The following KNDC1 variants were observed in gnomAD, a reference collection of about 807,000 sequenced individuals.
The protein encoded by KNDC1 is kinase non-catalytic C-lobe domain-containing protein 1.
In KNDC1, 106 loss-of-function variants were observed where a neutral mutation model predicts 172.8. The ratio of observed to expected loss-of-function variants is 0.61; its 90% CI spans 0.52 to 0.72. The LOEUF is 0.72. Among genes scored for constraint, KNDC1 ranks in the 30% least tolerant of loss-of-function variants. The pLI is 0.00. For missense variants in KNDC1, 2,325 were observed against 2,394.5 expected, an observed-to-expected ratio of 0.97 and a Z score of 0.61; for synonymous variants, 1,083 against 1,062.2, an observed-to-expected ratio of 1.02 and a Z score of -0.38.
At chr10:133,170,338 G>A (rs1037813953) in intron 3 of KNDC1, among the ~76,000 whole-genome samples, 2 of 152,182 alleles carry the variant, frequency 1.3e-5, no homozygotes, top group African/African-American at 4.8e-5. Context: ...GCAGGACGTG[G>A]ACGTGGCAGG....
chr10:133,177,686 ATG>A (rs1021002082), intron 3 of KNDC1, among the ~76,000 whole-genome samples: 1 of 151,936 alleles, frequency 6.6e-6, no homozygotes, highest in Non-Finnish European at 1.5e-5. Context: ...TCATGGGCAC[ATG>A]TGTGTAATGT....
intron 1 of KNDC1, among the ~76,000 whole-genome samples, chr10:133,164,729 TGACTACAGGACGCCCACAGCTCAG>T (rs550030818): frequency 0.019 from 2,856 of 152,138 alleles, 40 homozygotes; most frequent in South Asian, 0.035. Context: ...CTTCTGGAGG[TGACTACAGGACGCCCACAGCTCAG>T]GACTACAGGA....
intron 3 of KNDC1, among the ~76,000 whole-genome samples, chr10:133,173,245 C>A (rs998282897): frequency 3.3e-5 from 5 of 152,214 alleles, no homozygotes; most frequent in African/African-American, 1.2e-4. Flanking sequence ...CCCGTCTGCT[C>A]TCCTGGCCTG....
Position 133,203,588 on chromosome 10 carries a change from C to T in KNDC1, c.3387+1690C>T, listed in dbSNP as rs531453483. Among the ~76,000 whole-genome samples, 6 of 152,358 alleles carry T rather than the reference C, an allele frequency of 3.9e-5. No homozygotes were observed. In the East Asian group the frequency reaches 7.7e-4, roughly 20 times the overall value. ...CTGACCCCCACCTACTGGTGCCGGC[C>T]GTGTGTGCTGGGCTCAGCACTGCGG... On this transcript the variant is annotated intron_variant, in intron 17 of 29. Coordinates refer to ENST00000304613, the MANE Select transcript of KNDC1 (RefSeq NM_152643.8).
chr10:133,224,221 T>C lies in KNDC1; in HGVS notation c.5019-438T>C, dbSNP rs554981481. Among the ~76,000 whole-genome samples the C allele has an allele frequency of 6.6e-6, 1 of 152,338 alleles. No homozygotes were observed. The highest frequency in any genetic ancestry group is 2.1e-4 in the South Asian group (1 of 4,828). ...GGCCAGCTTTCTCCATTATATTCTA[T>C]GGTGTGCTGGTCACTGTCAACCAGC... On this transcript the variant is annotated intron_variant, in intron 29 of 29. Transcript: ENST00000304613. This position sits in a 1 kb window ranked among gnomAD's most constrained non-coding sequence, Gnocchi z 5.4.
At position 133,224,597 on chromosome 10, in the gene KNDC1, TC is replaced by T; in HGVS notation, c.5019-58del. On this transcript the variant is annotated intron_variant, in intron 29 of 29. Coordinates refer to ENST00000304613, the MANE Select transcript of KNDC1 (RefSeq NM_152643.8). The surrounding 1 kb of genome is among the most constrained non-coding windows in gnomAD (Gnocchi z 5.4). ...TTCCTAAGAACGCGGGGGGACTCCC[TC>T]CCCACGGAAGCCGCGCCCCTGCCCT... 8.1e-7 allele frequency: 1 copy of T among 1,232,032 alleles called. No homozygotes were observed. The allele number at this position is 1,232,032 out of a possible 1,614,324, so 76.3% of individuals were successfully genotyped here. A position where few individuals can be genotyped will look rare whatever the true frequency, so the allele number is the denominator to read the frequency against.
chr10:133,186,249 C>A lies in KNDC1; in HGVS notation c.901C>A (p.Arg301Ser). Residue 301 changes from arginine (R) to serine (S), a missense_variant, in exon 6 of 30, where the codon CGC becomes AGC. Arg to Ser is a moderately radical substitution (Grantham distance 110, BLOSUM62 -1). Transcript: ENST00000304613. ...GGACAGAGACGCCCTCAGGAGAAGC[C>A]GCCTGCGGAAGGTGCAGACGTTCCC... ...ELDRDALRRS[R>S]LRKVQTFPRL... is the part of the protein sequence containing the mutation. 1 of 1,597,998 alleles carries A rather than the reference C, an allele frequency of 6.3e-7. No individual in the cohort carries two copies. Among genetic ancestry groups the A allele is most frequent in the Admixed American group, 1.7e-5 (1 of 57,842 alleles).
In KNDC1 at chr10:133,213,996, G is replaced by T. The variant is rs148073631; in HGVS notation, c.4551G>T (p.Ser1517=). The change falls in exon 26 of 30, where the codon TCG becomes TCT. Residue 1517 remains serine (S), a synonymous_variant. Transcript: ENST00000304613. The part of the protein sequence containing the change: ...IPKASSSESL[S]AKTCSLFLPN... ...GAGCCAGCTCTTCTGAGTCTCTTTC[G>T]GCCAAAACCTGCAGCTTATTTCTGC... The T allele has an allele frequency of 1.2e-6, 2 of 1,614,140 alleles. No individual in the cohort carries two copies. Among genetic ancestry groups the T allele is most frequent in the South Asian group, 1.1e-5 (1 of 91,078 alleles).
intron 9 of KNDC1, among the ~76,000 whole-genome samples, chr10:133,192,531 G>A (rs77986192): frequency 0.059 from 8,924 of 152,204 alleles, 305 homozygotes; most frequent in Middle Eastern, 0.15. Flanking sequence ...ATAAAAATGC[G>A]TCATTGGGCA....
At chr10:133,212,397 C>T (rs1009507457) in intron 23 of KNDC1, among the ~76,000 whole-genome samples, 1 of 152,256 alleles carries the variant, frequency 6.6e-6, no homozygotes, top group African/African-American at 2.4e-5. Flanking sequence ...CCCGGGTGCT[C>T]AGGGGAGGAG....
At chr10:133,214,271 C>A in intron 26 of KNDC1, 149 bp downstream of exon 26, 1 of 844,140 alleles carries the variant, frequency 1.2e-6, no homozygotes, top group South Asian at 1.7e-5. Context: ...CGACCCAAGG[C>A]TGAGGGGAGC....
At chr10:133,168,128 C>T (rs1025011478) in intron 2 of KNDC1, 126 bp from the exon 3 acceptor site, 1 of 810,204 alleles carries the variant, frequency 1.2e-6, no homozygotes, top group African/African-American at 1.7e-5. Context: ...CTAAAATGGT[C>T]TGGGGACACC....
At chr10:133,205,757 C>G (rs541046631) in intron 17 of KNDC1, among the ~76,000 whole-genome samples, 2 of 152,218 alleles carry the variant, frequency 1.3e-5, no homozygotes, top group South Asian at 4.1e-4. Context: ...ATGCTTGAAC[C>G]CAGGGAGTTG....
intron 1 of KNDC1, among the ~76,000 whole-genome samples, chr10:133,166,452 GGTGTGCAT>G (rs753022693): frequency 8.9e-6 from 1 of 112,506 alleles, no homozygotes; most frequent in South Asian, 2.7e-4. Flanking sequence ...GGTGTGTGCG[GGTGTGCAT>G]GTCTGTGCGT....
intron 29 of KNDC1, among the ~76,000 whole-genome samples, chr10:133,222,143 C>T (rs1478569171): frequency 1.3e-5 from 2 of 150,298 alleles, no homozygotes; most frequent in African/African-American, 2.4e-5. Context: ...ATTAGCCGGG[C>T]GCGGTGGCGG....
intron 26 of KNDC1, among the ~76,000 whole-genome samples, chr10:133,218,616 T>C (rs1433691016): frequency 4.6e-5 from 7 of 152,278 alleles, no homozygotes; most frequent in Middle Eastern, 3.4e-3. Flanking sequence ...TTTGCTTTTA[T>C]TTTGTTTTAT....
rs1845693554 is a variant in KNDC1 at position 133,225,036 on chromosome 10, C to T, written c.*146C>T. 1.5e-6 allele frequency: 1 copy of T among 662,774 alleles called. No individual in the cohort carries two copies. Among genetic ancestry groups the T allele is most frequent in the Non-Finnish European group, 2.7e-6 (1 of 375,510 alleles). The allele number at this position is 662,774 out of a possible 1,614,324, so 41.1% of individuals were successfully genotyped here. On this transcript the variant is annotated 3_prime_UTR_variant, in exon 30 of 30. Coordinates refer to ENST00000304613, the MANE Select transcript of KNDC1 (RefSeq NM_152643.8). ...GGAGCTGGACCAGGAGGTGGAGGCT[C>T]AGGGGACCCCATGGGGACAGGCAGA...
intron 3 of KNDC1, among the ~76,000 whole-genome samples, chr10:133,181,861 C>CACACACACACA (rs33923925): frequency 3.3e-5 from 5 of 151,394 alleles, no homozygotes; most frequent in East Asian, 1.9e-4. Flanking sequence ...CACACACACA[C>CACACACACACA]CAGACTGTGG....
intron 2 of KNDC1, among the ~76,000 whole-genome samples, chr10:133,167,866 A>G (rs752438895): frequency 1.2e-4 from 18 of 152,132 alleles, no homozygotes; most frequent in African/African-American, 3.1e-4. Context: ...AGGGCAGGCT[A>G]TGCCCCTCTT....
Sources: allele counts gnomAD v4.1 joint callset (sites outside exome capture counted in the v4.1 genomes callset), GRCh38; gene constraint gnomAD v4.1.1; non-coding constraint Gnocchi (gnomAD v3.1); transcripts MANE v1.5; gene names NCBI Gene and HGNC (gene_info 2026-07-23, HGNC 2026-07-21).